Variants in CDH6 observed in about 807,000 individuals in gnomAD.
The protein encoded by CDH6 is cadherin-6.
In CDH6, 31 loss-of-function variants were observed where a neutral mutation model predicts 78.0. The ratio of observed to expected loss-of-function variants is 0.40; its 90% CI spans 0.30 to 0.54. CDH6 has a LOEUF of 0.54. Among genes scored for constraint, CDH6 ranks in the 20% least tolerant of loss-of-function variants. The pLI, the probability that CDH6 is intolerant of heterozygous loss-of-function variation, is 0.56. For missense variants in CDH6, 724 were observed against 975.9 expected (o/e 0.74, Z 3.44); for synonymous variants, 376 against 368.8 (o/e 1.02, Z -0.23).
intron 5 of CDH6, among the ~76,000 whole-genome samples, chr5:31,299,974 GT>G (rs1395834984): frequency 6.6e-6 from 1 of 152,184 alleles, no homozygotes; most frequent in Non-Finnish European, 1.5e-5. Flanking sequence ...TTGACTTTAT[GT>G]TTTGTGAATT....
chr5:31,237,667 C>T (rs1394783525), intron 1 of CDH6, among the ~76,000 whole-genome samples: 1 of 152,112 alleles, frequency 6.6e-6, no homozygotes, highest in Non-Finnish European at 1.5e-5. Flanking sequence ...ATGGATATGA[C>T]CATTTTCCCC....
Position 31,267,441 on chromosome 5 carries a change from C to T in CDH6, c.-33C>T. On this transcript the variant is annotated 5_prime_UTR_variant, in exon 2 of 12. Transcript: ENST00000265071. ...AAAAGGCACTTCCAAGAGTGGGGCA[C>T]TCACTACGCACAGACTCGACGGTGC... 6.5e-7 allele frequency: 1 copy of T among 1,534,638 alleles called. No homozygotes were observed. Among genetic ancestry groups the T allele is most frequent in the South Asian group, 1.1e-5 (1 of 89,500 alleles).
intron 7 of CDH6, among the ~76,000 whole-genome samples, chr5:31,308,738 A>G (rs1230103377): frequency 1.3e-5 from 2 of 152,122 alleles, no homozygotes; most frequent in Non-Finnish European, 2.9e-5. Flanking sequence ...GCTGCCTTCA[A>G]CTAAAAATTC....
At chr5:31,281,469 TG>T (rs1742862046) in intron 2 of CDH6, among the ~76,000 whole-genome samples, 1 of 152,124 alleles carries the variant, frequency 6.6e-6, no homozygotes, top group South Asian at 2.1e-4. Flanking sequence ...AATTTTTGAC[TG>T]GGATCTGGCT....
chr5:31,290,403 T>C (rs908391239), intron 2 of CDH6, among the ~76,000 whole-genome samples: 1 of 152,166 alleles, frequency 6.6e-6, no homozygotes, highest in Admixed American at 6.5e-5. Flanking sequence ...AAGTGGATAG[T>C]TTTTACTTGA....
chr5:31,201,634 C>T (rs1740351383), intron 1 of CDH6, among the ~76,000 whole-genome samples: 1 of 152,226 alleles, frequency 6.6e-6, no homozygotes, highest in Admixed American at 6.5e-5. Flanking sequence ...CAATGTCAAT[C>T]CTCTCCCCTT....
At chr5:31,227,358 C>T (rs1741182310) in intron 1 of CDH6, among the ~76,000 whole-genome samples, 1 of 152,188 alleles carries the variant, frequency 6.6e-6, no homozygotes, top group African/African-American at 2.4e-5. Flanking sequence ...TGTACCCTTT[C>T]AACTGATATT....
intron 5 of CDH6, among the ~76,000 whole-genome samples, chr5:31,300,532 T>G (rs1433073221): frequency 6.6e-6 from 1 of 152,152 alleles, no homozygotes; most frequent in African/African-American, 2.4e-5. Context: ...TTAAAGAATA[T>G]CTCATATAAC....
intron 1 of CDH6, among the ~76,000 whole-genome samples, chr5:31,254,216 C>A (rs746296748): frequency 6.6e-6 from 1 of 152,110 alleles, no homozygotes; most frequent in Non-Finnish European, 1.5e-5. Flanking sequence ...GTTCAGGTCA[C>A]CCTAATTTTA....
At chr5:31,256,493 T>C (rs1031665574) in intron 1 of CDH6, among the ~76,000 whole-genome samples, 3 of 152,234 alleles carry the variant, frequency 2.0e-5, no homozygotes, top group Admixed American at 6.5e-5. Flanking sequence ...TCCGACTCCA[T>C]GGAGAGCTTG....
intron 1 of CDH6, among the ~76,000 whole-genome samples, chr5:31,212,877 T>C (rs1035970394): frequency 1.3e-5 from 2 of 152,202 alleles, no homozygotes; most frequent in Non-Finnish European, 2.9e-5. Context: ...GCTGCTTTTC[T>C]AGCCCACGTA....
intron 7 of CDH6, among the ~76,000 whole-genome samples, chr5:31,306,089 A>G (rs1737983613): frequency 6.6e-6 from 1 of 152,214 alleles, no homozygotes; most frequent in Admixed American, 6.5e-5. Context: ...AGTGGCATAG[A>G]AAAAGTATGA....
At chr5:31,286,487 A>G (rs1202401713) in intron 2 of CDH6, among the ~76,000 whole-genome samples, 1 of 152,220 alleles carries the variant, frequency 6.6e-6, no homozygotes, top group East Asian at 1.9e-4. Flanking sequence ...TAGCTACGAA[A>G]GAGCTAGTTA....
chr5:31,196,007 G>A lies in CDH6; in HGVS notation c.-129+2121G>A, dbSNP rs552583529. On this transcript the variant is annotated intron_variant, in intron 1 of 11. Transcript: ENST00000265071. Reference sequence around the variant, plus strand: ...AAGTGACAGTTTGGTATCTCCATAGGGACTTTTAGTCCCTTTACTATCTGG... The same window carrying A: ...AAGTGACAGTTTGGTATCTCCATAGAGACTTTTAGTCCCTTTACTATCTGG... Among the ~76,000 whole-genome samples, 9 of 152,156 alleles carry A rather than the reference G, an allele frequency of 5.9e-5. No individual in the cohort carries two copies. The South Asian group carries it at 1.9e-3, about 32-fold the overall frequency.
chr5:31,323,508 A>G lies in CDH6; in HGVS notation c.*200A>G, dbSNP rs1178510409. 10 of 561,976 alleles carry G rather than the reference A, an allele frequency of 1.8e-5. No individual in the cohort carries two copies. The highest frequency in any genetic ancestry group is 2.8e-5 in the Non-Finnish European group (9 of 325,598). 34.8% of individuals were successfully genotyped at this position (561,976 alleles called of 1,614,324 possible). ...TCCAAGGGGCAAATTTTTATTTTTT[A>G]GTGCATCCAGTTAACCAAGTCAGCC... On this transcript the variant is annotated 3_prime_UTR_variant, in exon 12 of 12. Transcript: ENST00000265071.
At position 31,326,090 on chromosome 5, in the gene CDH6, GT is replaced by G. The variant is rs1188361209; in HGVS notation, c.*2788del. Reference sequence around the variant, plus strand: ...GGAGAAAAAAATAATTTTCAGCCCAGTTTTTTCATTGTCTGTTTCCTAATTT... The same window carrying G: ...GGAGAAAAAAATAATTTTCAGCCCAGTTTTTCATTGTCTGTTTCCTAATTT... On this transcript the variant is annotated 3_prime_UTR_variant, in exon 12 of 12. Transcript: ENST00000265071. The G allele has an allele frequency of 4.1e-5, 3 of 72,928 alleles. No individual in the cohort carries two copies. Among genetic ancestry groups the G allele is most frequent in the Admixed American group, 2.1e-4 (1 of 4,748 alleles). The allele number at this position is 72,928 out of a possible 1,614,324, so 4.5% of individuals were successfully genotyped here.
intron 1 of CDH6, among the ~76,000 whole-genome samples, chr5:31,196,935 T>A (rs1214616315): frequency 6.6e-6 from 1 of 152,076 alleles, no homozygotes; most frequent in African/African-American, 2.4e-5. Context: ...CTCCAAAAGT[T>A]CTACATGAAG....
At chr5:31,267,244 T>C (rs1003282366) in intron 1 of CDH6, 102 bp from the exon 2 acceptor site, 14 of 495,628 alleles carry the variant, frequency 2.8e-5, no homozygotes, top group African/African-American at 2.1e-4. Context: ...TTTTTGTTGT[T>C]TTGCTATTCA....
intron 11 of CDH6, 82 bp downstream of exon 11, chr5:31,318,006 C>T: frequency 1.3e-6 from 2 of 1,512,564 alleles, no homozygotes; most frequent in Non-Finnish European, 9.1e-7. Flanking sequence ...TTATCTGCCT[C>T]CCCCATTAAG....
Sources: allele counts gnomAD v4.1 joint callset (sites outside exome capture counted in the v4.1 genomes callset), GRCh38; gene constraint gnomAD v4.1.1; transcripts MANE v1.5; gene names NCBI Gene and HGNC (gene_info 2026-07-23, HGNC 2026-07-21).